The following KCNIP4 variants were observed in gnomAD, a reference collection of about 807,000 sequenced individuals.
KCNIP4 encodes Kv channel-interacting protein 4.
In KCNIP4, 12 loss-of-function variants were observed where a neutral mutation model predicts 34.0. The observed-to-expected ratio is 0.35, with a 90% CI of 0.23 to 0.57. The LOEUF (loss-of-function observed/expected upper bound fraction) is 0.57, where lower values mean the gene tolerates loss of function less well. Among genes scored for constraint, KCNIP4 ranks in the 20% least tolerant of loss-of-function variants. The pLI, the probability that KCNIP4 is intolerant of heterozygous loss-of-function variation, is 0.83. For missense variants in KCNIP4, 238 were observed against 311.7 expected (o/e 0.76, Z 1.78); for synonymous variants, 124 against 102.2 (o/e 1.21, Z -1.29).
intron 1 of KCNIP4, among the ~76,000 whole-genome samples, chr4:21,236,147 T>C (rs1354571923): frequency 1.3e-5 from 2 of 151,978 alleles, no homozygotes; most frequent in Middle Eastern, 3.2e-3. Context: ...GATACAAAAA[T>C]AAAAATAATA....
intron 1 of KCNIP4, among the ~76,000 whole-genome samples, chr4:21,571,127 T>C (rs930064594): frequency 9.2e-5 from 14 of 152,184 alleles, no homozygotes; most frequent in African/African-American, 3.1e-4. Context: ...TCTAAGTTCT[T>C]CGTTCAGTTC....
chr4:20,831,729 T>C (rs1483132192), intron 3 of KCNIP4, among the ~76,000 whole-genome samples: 2 of 152,230 alleles, frequency 1.3e-5, no homozygotes, highest in African/African-American at 4.8e-5. Flanking sequence ...AGGAGACTAA[T>C]ATGGGGTTTT....
intron 1 of KCNIP4, among the ~76,000 whole-genome samples, chr4:20,936,696 T>C (rs1289251613): frequency 6.6e-6 from 1 of 152,008 alleles, no homozygotes; most frequent in Non-Finnish European, 1.5e-5. Context: ...CATATGTCTG[T>C]ATCCTGAGCT....
At chr4:21,239,107 A>T (rs59248635) in intron 1 of KCNIP4, among the ~76,000 whole-genome samples, 2 of 152,008 alleles carry the variant, frequency 1.3e-5, no homozygotes, top group Non-Finnish European at 2.9e-5. Context: ...CAAACCTGAC[A>T]AAAACAAGCA....
intron 1 of KCNIP4, among the ~76,000 whole-genome samples, chr4:21,645,943 G>T (rs1249114958): frequency 6.6e-6 from 1 of 152,076 alleles, no homozygotes; most frequent in Non-Finnish European, 1.5e-5. Context: ...CACTCTCAAT[G>T]GGCACACTAT....
intron 1 of KCNIP4, among the ~76,000 whole-genome samples, chr4:21,589,341 C>T (rs1248839994): frequency 1.4e-5 from 2 of 143,734 alleles, no homozygotes; most frequent in Admixed American, 7.0e-5. Context: ...TATATATATA[C>T]ATGTGTATGT....
At chr4:21,625,679 G>A (rs954022244) in intron 1 of KCNIP4, among the ~76,000 whole-genome samples, 9 of 152,154 alleles carry the variant, frequency 5.9e-5, no homozygotes, top group Non-Finnish European at 8.8e-5. Flanking sequence ...CTCTATATAA[G>A]AGAGAAGTAC....
rs1433427768 is a variant in KCNIP4 at position 21,138,115 on chromosome 4, G to A, written c.62-255406C>T. On this transcript the variant is annotated intron_variant, in intron 1 of 8. Coordinates refer to ENST00000382152, the MANE Select transcript of KCNIP4 (RefSeq NM_025221.6). ...TCGAACTCGTGACCTCAAGTGATCT[G>A]CCCGACTCGGCCTCCCAAAGTGCAT... Among the ~76,000 whole-genome samples, 7 of 151,952 alleles carry A rather than the reference G, an allele frequency of 4.6e-5. No individual in the cohort carries two copies. In the South Asian group the frequency reaches 8.3e-4, roughly 18 times the overall value.
chr4:21,436,670 C>A (rs2109688080), intron 1 of KCNIP4, among the ~76,000 whole-genome samples: 1 of 152,262 alleles, frequency 6.6e-6, no homozygotes, highest in Non-Finnish European at 1.5e-5. Context: ...ACTCTCTATA[C>A]CTCATGTCCA....
intron 1 of KCNIP4, among the ~76,000 whole-genome samples, chr4:21,273,516 G>A (rs2874896): frequency 0.26 from 39,022 of 152,014 alleles, 5,190 homozygotes; most frequent in South Asian, 0.35. Context: ...TAAAGGAATC[G>A]GGGGAGAGTG....
At chr4:21,687,756 A>C (rs1289921148) in intron 1 of KCNIP4, among the ~76,000 whole-genome samples, 1 of 152,116 alleles carries the variant, frequency 6.6e-6, no homozygotes, top group Non-Finnish European at 1.5e-5. Flanking sequence ...GAAATTTCAA[A>C]ACAATGATAA....
intron 2 of KCNIP4, among the ~76,000 whole-genome samples, chr4:20,876,292 G>T (rs1724019202): frequency 6.6e-6 from 1 of 152,098 alleles, no homozygotes; most frequent in African/African-American, 2.4e-5. Flanking sequence ...TAAGGAAAAT[G>T]ACTACTTTAT....
At chr4:21,698,057 T>A (rs1194975688) in intron 1 of KCNIP4, among the ~76,000 whole-genome samples, 1 of 152,130 alleles carries the variant, frequency 6.6e-6, no homozygotes, top group South Asian at 2.1e-4. Context: ...GTTAATCAGA[T>A]TCAGGAAGGC....
chr4:21,035,323 T>C (rs536092454), intron 1 of KCNIP4, among the ~76,000 whole-genome samples: 1 of 152,356 alleles, frequency 6.6e-6, no homozygotes, highest in South Asian at 2.1e-4. Flanking sequence ...AGGATTAGAA[T>C]GTGACATCCT....
At position 21,236,909 on chromosome 4, in the gene KCNIP4, A is replaced by C. The variant is rs184366368; in HGVS notation, c.62-354200T>G. Among the ~76,000 whole-genome samples, 488 of 151,762 alleles carry C rather than the reference A, an allele frequency of 3.2e-3. 5 individuals are homozygous for C. Among genetic ancestry groups the C allele is most frequent in the Middle Eastern group, 0.01 (3 of 294 alleles). ...GTAATGCCAATTACTCGGGAGGCTGAGGCAGAGAATTGCTTGAACCTGGGA... is the reference window on the plus strand; with the variant it reads ...GTAATGCCAATTACTCGGGAGGCTGCGGCAGAGAATTGCTTGAACCTGGGA... On this transcript the variant is annotated intron_variant, in intron 1 of 8. Coordinates refer to ENST00000382152, the MANE Select transcript of KCNIP4 (RefSeq NM_025221.6).
chr4:21,131,067 G>A (rs1447928282), intron 1 of KCNIP4, among the ~76,000 whole-genome samples: 4 of 152,148 alleles, frequency 2.6e-5, no homozygotes, highest in Non-Finnish European at 4.4e-5. Context: ...GTCAGGGAAC[G>A]TATTTCTGTA....
chr4:20,961,008 A>G lies in KCNIP4; in HGVS notation c.62-78299T>C, dbSNP rs150198133. On this transcript the variant is annotated intron_variant, in intron 1 of 8. Coordinates refer to ENST00000382152, the MANE Select transcript of KCNIP4 (RefSeq NM_025221.6). ...GTGTAATTTACTTCACAAACAAGGG[A>G]TGCTCTTAAATATTTGCTTATTTAA... 1.0e-2 allele frequency among the ~76,000 whole-genome samples: 1,516 copies of G among 152,284 alleles called. 9 individuals carry two copies. Among genetic ancestry groups the G allele is most frequent in the Middle Eastern group, 0.014 (4 of 294 alleles).
chr4:21,083,930 G>A (rs913861896), intron 1 of KCNIP4, among the ~76,000 whole-genome samples: 3 of 151,804 alleles, frequency 2.0e-5, no homozygotes, highest in African/African-American at 7.3e-5. Context: ...AGGAAACACA[G>A]GGGCATTTTT....
chr4:21,670,420 G>A (rs972166644), intron 1 of KCNIP4, among the ~76,000 whole-genome samples: 1 of 125,582 alleles, frequency 8.0e-6, no homozygotes, highest in South Asian at 2.9e-4. Context: ...GGGGACTGTG[G>A]TGGGGTCGGG....
Sources: allele counts gnomAD v4.1 joint callset (sites outside exome capture counted in the v4.1 genomes callset), GRCh38; gene constraint gnomAD v4.1.1; transcripts MANE v1.5; gene names NCBI Gene and HGNC (gene_info 2026-07-23, HGNC 2026-07-21).